Variants in LRBA observed in about 807,000 individuals in gnomAD.
The protein encoded by LRBA is lipopolysaccharide-responsive and beige-like anchor protein.
LRBA carries 176 observed loss-of-function variants against 330.0 expected under a neutral mutation model. That is an observed-to-expected ratio of 0.53 (90% CI 0.47 to 0.60). LRBA has a LOEUF of 0.60. LRBA is among the 20% of genes least tolerant of loss of function. The pLI is 0.00. For missense variants in LRBA, 3,259 were observed against 3,444.8 expected, an observed-to-expected ratio of 0.95 and a Z score of 1.35; for synonymous variants, 1,230 against 1,193.0, an observed-to-expected ratio of 1.03 and a Z score of -0.64.
intron 40 of LRBA, among the ~76,000 whole-genome samples, chr4:150,531,025 T>C (rs576139263): frequency 1.2e-4 from 19 of 152,236 alleles, no homozygotes; most frequent in African/African-American, 4.3e-4. Context: ...TTTTACCCAG[T>C]GTTATTTCCT....
chr4:150,446,799 CT>C (rs1398390141), intron 44 of LRBA, among the ~76,000 whole-genome samples: 1 of 152,192 alleles, frequency 6.6e-6, no homozygotes, highest in Non-Finnish European at 1.5e-5. Context: ...TTCACAACTG[CT>C]ATCTAAAATT....
chr4:150,827,663 G>A (rs1051151934), intron 30 of LRBA, among the ~76,000 whole-genome samples: 10 of 149,500 alleles, frequency 6.7e-5, no homozygotes, highest in South Asian at 2.1e-4. Context: ...GCAATGGTGC[G>A]ATCTCAGCTC....
chr4:150,819,333 T>C (rs1745082114), intron 30 of LRBA, among the ~76,000 whole-genome samples: 2 of 151,566 alleles, frequency 1.3e-5, no homozygotes, highest in South Asian at 4.2e-4. Flanking sequence ...GATGGGGACT[T>C]AAGGTTACAC....
chr4:150,841,082 C>T, intron 28 of LRBA: 2 of 728,548 alleles, frequency 2.7e-6, no homozygotes, highest in Non-Finnish European at 3.9e-6. Flanking sequence ...GTACATTTGT[C>T]TTTTTTATAA....
At chr4:150,436,017 G>A (rs143888400) in intron 45 of LRBA, among the ~76,000 whole-genome samples, 519 of 152,178 alleles carry the variant, frequency 3.4e-3, no homozygotes, top group Non-Finnish European at 5.5e-3. Context: ...TCATAGTACA[G>A]GGAATAGTCC....
chr4:150,366,159 C>A (rs144803365), intron 47 of LRBA, among the ~76,000 whole-genome samples: 19 of 152,158 alleles, frequency 1.2e-4, no homozygotes, highest in African/African-American at 4.1e-4. Context: ...AAAAAACAGT[C>A]TCAAAGAATA....
In LRBA at chr4:150,677,431, T is replaced by C. The variant is rs563493183; in HGVS notation, c.5921+6120A>G. On this transcript the variant is annotated intron_variant, in intron 37 of 56. Coordinates refer to ENST00000651943, the MANE Select transcript of LRBA (RefSeq NM_001364905.1). ...ATGAGCATATGTGCAACAACTTGAA[T>C]TTATTTTTCAATTTGTTTTTATTTA... 7.9e-5 allele frequency among the ~76,000 whole-genome samples: 12 copies of C among 152,336 alleles called. No individual in the cohort carries two copies. The South Asian group carries it at 2.1e-3, about 26-fold the overall frequency.
At chr4:150,496,544 G>A (rs182496783) in intron 40 of LRBA, among the ~76,000 whole-genome samples, 1 of 151,212 alleles carries the variant, frequency 6.6e-6, no homozygotes, top group African/African-American at 2.4e-5. Flanking sequence ...CCTCCTGAAG[G>A]GTAAATATTA....
chr4:150,953,007 A>G (rs767041258), intron 2 of LRBA, among the ~76,000 whole-genome samples: 9 of 151,942 alleles, frequency 5.9e-5, no homozygotes, highest in East Asian at 3.9e-4. Context: ...TACCTCCCCA[A>G]CTGTTTCCAT....
intron 37 of LRBA, among the ~76,000 whole-genome samples, chr4:150,647,077 T>C (rs1233818525): frequency 6.6e-6 from 1 of 152,018 alleles, no homozygotes; most frequent in Non-Finnish European, 1.5e-5. Flanking sequence ...AAAACTAATA[T>C]TTTAGTAAAA....
intron 37 of LRBA, among the ~76,000 whole-genome samples, chr4:150,613,167 A>G (rs1022544138): frequency 1.3e-5 from 2 of 152,234 alleles, no homozygotes; most frequent in East Asian, 1.9e-4. Context: ...AATCAAAAAC[A>G]CATACTGAAT....
At chr4:150,707,832 T>C (rs1032395355) in intron 36 of LRBA, among the ~76,000 whole-genome samples, 6 of 151,814 alleles carry the variant, frequency 4.0e-5, no homozygotes, top group African/African-American at 1.4e-4. Context: ...AATATATAAA[T>C]AGTGAGAAGC....
chr4:150,949,228 T>C (rs1736556046), intron 2 of LRBA, among the ~76,000 whole-genome samples: 1 of 152,058 alleles, frequency 6.6e-6, no homozygotes, highest in Non-Finnish European at 1.5e-5. Flanking sequence ...AAACAAACTG[T>C]AGTACATCCA....
intron 37 of LRBA, among the ~76,000 whole-genome samples, chr4:150,649,921 C>T (rs1779552849): frequency 6.6e-6 from 1 of 151,746 alleles, no homozygotes; most frequent in Non-Finnish European, 1.5e-5. Context: ...AGGTAGAGCT[C>T]CAAGAATAAA....
At chr4:150,574,596 A>C (rs1327260129) in intron 40 of LRBA, among the ~76,000 whole-genome samples, 2 of 152,070 alleles carry the variant, frequency 1.3e-5, no homozygotes, top group African/African-American at 4.8e-5. Context: ...TGATACGTTC[A>C]CACTGTCTCC....
At chr4:150,826,954 G>C (rs568669164) in intron 30 of LRBA, among the ~76,000 whole-genome samples, 1 of 152,306 alleles carries the variant, frequency 6.6e-6, no homozygotes, top group South Asian at 2.1e-4. Flanking sequence ...TCTAGGTGTT[G>C]TGCATGACTC....
chr4:150,648,830 A>C (rs1291446915), intron 37 of LRBA, among the ~76,000 whole-genome samples: 1 of 152,032 alleles, frequency 6.6e-6, no homozygotes, highest in Non-Finnish European at 1.5e-5. Flanking sequence ...TATCCATCAC[A>C]CTATAGTTTC....
rs537310731 is a variant in LRBA, at chr4:150,910,860, T to C, written c.1162-2003A>G. ...CATTTTGTACTTTTCAATGTACAAC[T>C]CTTTTGCCTCCTTGGTGGAGTCAGG... is the stretch of plus-strand genomic sequence containing the variant. On this transcript the variant is annotated intron_variant, in intron 9 of 56. Coordinates refer to ENST00000651943, the MANE Select transcript of LRBA (RefSeq NM_001364905.1). Among the ~76,000 whole-genome samples, 75 of 152,318 alleles carry C rather than the reference T, an allele frequency of 4.9e-4. No individual in the cohort carries two copies. In the South Asian group the frequency reaches 0.014, roughly 29 times the overall value.
At chr4:150,948,846 A>G (rs967323133) in intron 2 of LRBA, among the ~76,000 whole-genome samples, 7 of 152,000 alleles carry the variant, frequency 4.6e-5, no homozygotes, top group African/African-American at 1.4e-4. Flanking sequence ...AAAAAGTCTA[A>G]CATCATTAGG....
Sources: allele counts gnomAD v4.1 joint callset (sites outside exome capture counted in the v4.1 genomes callset), GRCh38; gene constraint gnomAD v4.1.1; transcripts MANE v1.5; gene names NCBI Gene and HGNC (gene_info 2026-07-23, HGNC 2026-07-21).